DCC: variants seen among roughly 807,000 people sequenced by gnomAD.
DCC encodes netrin receptor DCC.
A neutral mutation model predicts 172.5 loss-of-function variants in DCC; 58 were observed. The ratio of observed to expected loss-of-function variants is 0.34; its 90% CI spans 0.27 to 0.42. The LOEUF is 0.42. Ranked by LOEUF, DCC falls within the 10% of genes least tolerant of loss-of-function variation. The pLI is 1.00. For missense variants in DCC, 1,740 were observed against 1,791.0 expected, an observed-to-expected ratio of 0.97 and a Z score of 0.51; for synonymous variants, 709 against 644.5, an observed-to-expected ratio of 1.10 and a Z score of -1.52.
At chr18:53,250,113 G>A (rs576509176) in intron 12 of DCC, among the ~76,000 whole-genome samples, 1 of 152,004 alleles carries the variant, frequency 6.6e-6, no homozygotes, top group Admixed American at 6.6e-5. Context: ...CCTTAAGAGA[G>A]AACTGTTCCG....
intron 7 of DCC, among the ~76,000 whole-genome samples, chr18:53,125,658 G>A (rs2043545240): frequency 6.6e-6 from 1 of 152,074 alleles, no homozygotes; most frequent in African/African-American, 2.4e-5. Flanking sequence ...TCATGGTGCT[G>A]TAGTTGCTTT....
intron 5 of DCC, among the ~76,000 whole-genome samples, chr18:52,959,216 GTTTTAAA>G (rs1156434480): frequency 1.3e-5 from 2 of 152,118 alleles, no homozygotes; most frequent in Non-Finnish European, 2.9e-5. Context: ...TAAAAACAGA[GTTTTAAA>G]TGAGTTCAGT....
At chr18:52,380,177 T>A (rs982771769) in intron 1 of DCC, among the ~76,000 whole-genome samples, 2 of 152,140 alleles carry the variant, frequency 1.3e-5, no homozygotes, top group East Asian at 3.9e-4. Flanking sequence ...CATGACCTAG[T>A]CACTTCCCCA....
intron 2 of DCC, among the ~76,000 whole-genome samples, chr18:52,791,562 G>T (rs1407767670): frequency 2.0e-5 from 3 of 152,022 alleles, no homozygotes; most frequent in Non-Finnish European, 4.4e-5. Flanking sequence ...AGAACCAGAG[G>T]AACTAAGCCA....
intron 1 of DCC, among the ~76,000 whole-genome samples, chr18:52,647,185 C>G (rs376576939): frequency 1.3e-5 from 2 of 152,150 alleles, no homozygotes; most frequent in African/African-American, 2.4e-5. Flanking sequence ...GGGTTGTCAT[C>G]CACGGTAAGG....
intron 9 of DCC, among the ~76,000 whole-genome samples, chr18:53,193,255 G>A (rs566560473): frequency 3.9e-5 from 6 of 151,942 alleles, no homozygotes; most frequent in African/African-American, 9.7e-5. Context: ...ACCTGCCCCC[G>A]AGAATTTTTC....
intron 1 of DCC, among the ~76,000 whole-genome samples, chr18:52,648,835 C>A (rs1598986244): frequency 6.6e-6 from 1 of 152,120 alleles, no homozygotes; most frequent in Admixed American, 6.5e-5. Context: ...ACACCTTGGG[C>A]TCTGAGGGCC....
chr18:53,484,970 A>G (rs2045884512), intron 25 of DCC, among the ~76,000 whole-genome samples: 2 of 152,106 alleles, frequency 1.3e-5, no homozygotes, highest in South Asian at 4.1e-4. Flanking sequence ...AGAATGAAAC[A>G]GTGGTTCCCA....
At chr18:53,477,799 C>A (rs145325513) in intron 25 of DCC, among the ~76,000 whole-genome samples, 2 of 152,166 alleles carry the variant, frequency 1.3e-5, no homozygotes, top group Non-Finnish European at 2.9e-5. Flanking sequence ...TATCCCCAAG[C>A]ATTCTTCACA....
chr18:53,326,307 C>G (rs2057467210), intron 14 of DCC, among the ~76,000 whole-genome samples: 1 of 152,086 alleles, frequency 6.6e-6, no homozygotes, highest in Admixed American at 6.6e-5. Flanking sequence ...ATAATGAAAA[C>G]TGAAAGCCAT....
chr18:52,644,072 A>G (rs1030747067), intron 1 of DCC, among the ~76,000 whole-genome samples: 2 of 152,148 alleles, frequency 1.3e-5, no homozygotes, highest in African/African-American at 4.8e-5. Flanking sequence ...TCATAATGAC[A>G]TAGTGTATTG....
At chr18:53,416,607 A>G (rs1910324242) in intron 21 of DCC, 1 of 204,168 alleles carries the variant, frequency 4.9e-6, no homozygotes, top group Admixed American at 5.4e-5. Context: ...TATAAAATCA[A>G]AGTTGGGTCA....
At chr18:52,705,796 T>C (rs2036199458) in intron 1 of DCC, among the ~76,000 whole-genome samples, 1 of 152,230 alleles carries the variant, frequency 6.6e-6, no homozygotes, top group Non-Finnish European at 1.5e-5. Context: ...GAAGATACTT[T>C]AAAAGCGTTT....
chr18:52,340,908 C>T (rs1983601608), intron 1 of DCC, 30 bp downstream of exon 1: 1 of 1,509,012 alleles, frequency 6.6e-7, no homozygotes, highest in African/African-American at 1.4e-5. Flanking sequence ...CTTCTCGTCG[C>T]ACCCCCTTCC....
chr18:52,421,898 A>G (rs1987263171), intron 1 of DCC, among the ~76,000 whole-genome samples: 1 of 152,192 alleles, frequency 6.6e-6, no homozygotes, highest in Admixed American at 6.6e-5. Flanking sequence ...GCCTTTATGC[A>G]AACTTCTAAC....
chr18:52,664,476 CTT>C (rs374796439), intron 1 of DCC, among the ~76,000 whole-genome samples: 2 of 112,464 alleles, frequency 1.8e-5, no homozygotes, highest in Non-Finnish European at 1.7e-5. Flanking sequence ...TTTTCTTTTT[CTT>C]TTTTTTTTTT....
chr18:52,705,876 G>A (rs142142598), intron 1 of DCC, among the ~76,000 whole-genome samples: 6 of 152,248 alleles, frequency 3.9e-5, no homozygotes, highest in East Asian at 3.9e-4. Flanking sequence ...TCTGTCATAC[G>A]ATTTGATGCC....
intron 1 of DCC, among the ~76,000 whole-genome samples, chr18:52,696,886 TAAAAGTTAATA>T (rs1413505178): frequency 3.6e-5 from 1 of 27,994 alleles, no homozygotes; most frequent in Non-Finnish European, 1.3e-4. Flanking sequence ...GCATCAGAAA[TAAAAGTTAATA>T]AAAGTTAGAT....
At chr18:52,971,506 T>C (rs1024880657) in intron 5 of DCC, among the ~76,000 whole-genome samples, 2 of 151,280 alleles carry the variant, frequency 1.3e-5, no homozygotes, top group South Asian at 2.1e-4. Context: ...CGTGTGTGTG[T>C]GCGCGCACAC....
Sources: gnomAD v4.1 joint callset for allele counts (sites outside exome capture counted in the v4.1 genomes callset) on GRCh38, gnomAD v4.1.1 for gene constraint, MANE v1.5 for transcripts, NCBI Gene and HGNC (gene_info 2026-07-23, HGNC 2026-07-21) for gene names.